The following FGF12 variants were observed in gnomAD, a reference collection of about 807,000 sequenced individuals.
FGF12 encodes fibroblast growth factor 12, also known as fibroblast growth factor 12B.
In FGF12, 14 loss-of-function variants were observed where a neutral mutation model predicts 23.6. The observed-to-expected ratio is 0.59, with a 90% CI of 0.39 to 0.93. The LOEUF is 0.93. FGF12 is among the 40% of genes least tolerant of loss of function. The pLI is 0.00. For synonymous variants in FGF12, 62 were observed against 77.3 expected, an observed-to-expected ratio of 0.80 and a Z score of 1.04; for missense variants, 175 against 217.8, an observed-to-expected ratio of 0.80 and a Z score of 1.24.
At chr3:192,688,278 G>A (rs566383573) in intron 2 of FGF12, among the ~76,000 whole-genome samples, 1 of 152,016 alleles carries the variant, frequency 6.6e-6, no homozygotes, top group Admixed American at 6.6e-5. Context: ...TGGAGCTACT[G>A]TATACTTCCA....
intron 2 of FGF12, among the ~76,000 whole-genome samples, chr3:192,450,428 A>G (rs1722485857): frequency 6.6e-6 from 1 of 152,224 alleles, no homozygotes; most frequent in East Asian, 1.9e-4. Flanking sequence ...TTGGGAAGCC[A>G]CCAGTAATAC....
intron 2 of FGF12, among the ~76,000 whole-genome samples, chr3:192,462,551 T>C (rs1361815815): frequency 6.6e-6 from 1 of 152,130 alleles, no homozygotes; most frequent in Non-Finnish European, 1.5e-5. Flanking sequence ...TCTCCATAAG[T>C]GTAAGAAATA....
intron 2 of FGF12, among the ~76,000 whole-genome samples, chr3:192,444,248 C>T (rs1722285777): frequency 6.6e-6 from 1 of 151,988 alleles, no homozygotes; most frequent in African/African-American, 2.4e-5. Flanking sequence ...GACAGCTGAC[C>T]TTGAAAAAAG....
intron 2 of FGF12, among the ~76,000 whole-genome samples, chr3:192,630,679 A>C (rs1248149161): frequency 6.7e-6 from 1 of 149,974 alleles, no homozygotes; most frequent in Non-Finnish European, 1.5e-5. Flanking sequence ...CAGCCTCCCG[A>C]GTAGCTGGGA....
intron 4 of FGF12, among the ~76,000 whole-genome samples, chr3:192,314,461 C>T (rs76100425): frequency 0.015 from 2,347 of 152,234 alleles, 65 homozygotes; most frequent in African/African-American, 0.055. Flanking sequence ...TCCTCTGTGC[C>T]TCTTTCTACT....
At chr3:192,474,798 T>C (rs891249315) in intron 2 of FGF12, among the ~76,000 whole-genome samples, 3 of 151,598 alleles carry the variant, frequency 2.0e-5, no homozygotes, top group Non-Finnish European at 4.4e-5. Context: ...AGCAGGAGAA[T>C]TGCTTGAACC....
At chr3:192,173,787 A>C (rs917031180) in intron 4 of FGF12, among the ~76,000 whole-genome samples, 5 of 152,224 alleles carry the variant, frequency 3.3e-5, no homozygotes. Context: ...TGTTTTGTGT[A>C]AGTACATATC....
intron 4 of FGF12, among the ~76,000 whole-genome samples, chr3:192,226,380 T>C (rs1055324753): frequency 1.3e-5 from 2 of 152,146 alleles, no homozygotes; most frequent in Non-Finnish European, 2.9e-5. Context: ...TATGTAGCAA[T>C]CTCCATTTGA....
At chr3:192,234,603 TTGTC>T in intron 4 of FGF12, among the ~76,000 whole-genome samples, 1 of 152,330 alleles carries the variant, frequency 6.6e-6, no homozygotes, top group Non-Finnish European at 1.5e-5. Context: ...GTGGGCATCT[TTGTC>T]TTCTTCCAGT....
chr3:192,150,922 A>G (rs1714018855), intron 5 of FGF12, among the ~76,000 whole-genome samples: 1 of 142,146 alleles, frequency 7.0e-6, no homozygotes, highest in African/African-American at 2.6e-5. Flanking sequence ...GGCCATTTTC[A>G]CGACATTGAT....
intron 2 of FGF12, among the ~76,000 whole-genome samples, chr3:192,391,991 C>A (rs1720311741): frequency 1.3e-5 from 2 of 152,238 alleles, no homozygotes; most frequent in South Asian, 4.1e-4. Context: ...TGTGTGGTCA[C>A]CAGGCCAGCA....
intron 4 of FGF12, among the ~76,000 whole-genome samples, chr3:192,311,738 G>C (rs183321385): frequency 6.6e-6 from 1 of 152,160 alleles, no homozygotes; most frequent in African/African-American, 2.4e-5. Flanking sequence ...CTTACAAAAT[G>C]CCTGCACCAT....
chr3:192,378,395 G>A (rs1009937663), intron 2 of FGF12, among the ~76,000 whole-genome samples: 1 of 151,060 alleles, frequency 6.6e-6, no homozygotes, highest in Non-Finnish European at 1.5e-5. Context: ...ACAGGTGTGA[G>A]CCACTGTGCC....
chr3:192,269,251 C>A (rs906860936), intron 4 of FGF12, among the ~76,000 whole-genome samples: 1 of 152,142 alleles, frequency 6.6e-6, no homozygotes, highest in African/African-American at 2.4e-5. Context: ...GTGAAAGCCA[C>A]CCACTAGAAC....
chr3:192,578,815 C>T (rs1713018089), intron 2 of FGF12, among the ~76,000 whole-genome samples: 1 of 152,154 alleles, frequency 6.6e-6, no homozygotes, highest in East Asian at 1.9e-4. Flanking sequence ...TTTTAGTTCT[C>T]CTGTTATTGC....
At chr3:192,692,913 T>G (rs898864364) in intron 2 of FGF12, among the ~76,000 whole-genome samples, 1 of 151,700 alleles carries the variant, frequency 6.6e-6, no homozygotes, top group Non-Finnish European at 1.5e-5. Flanking sequence ...AAGGCAAGGA[T>G]GCCTACTCTC....
At chr3:192,375,672 C>T (rs1022405248) in intron 2 of FGF12, among the ~76,000 whole-genome samples, 3 of 149,882 alleles carry the variant, frequency 2.0e-5, no homozygotes, top group African/African-American at 7.4e-5. Context: ...CCCTCTTTCC[C>T]CCCAGACTCA....
At chr3:192,249,615 A>G (rs909084788) in intron 4 of FGF12, among the ~76,000 whole-genome samples, 4 of 152,078 alleles carry the variant, frequency 2.6e-5, no homozygotes, top group Non-Finnish European at 5.9e-5. Context: ...TTGCTAGGGA[A>G]CATTGATTGT....
At chr3:192,661,849 G>C (rs1054053561) in intron 2 of FGF12, among the ~76,000 whole-genome samples, 3 of 152,120 alleles carry the variant, frequency 2.0e-5, no homozygotes, top group African/African-American at 7.2e-5. Context: ...ATTCCCTGGG[G>C]CCTCTGCATT....
Sources: allele counts gnomAD v4.1 joint callset (sites outside exome capture counted in the v4.1 genomes callset), GRCh38; gene constraint gnomAD v4.1.1; transcripts MANE v1.5; gene names NCBI Gene and HGNC (gene_info 2026-07-23, HGNC 2026-07-21).